Variants in PLEKHH3 observed in about 807,000 individuals in gnomAD.
PLEKHH3 encodes pleckstrin homology domain-containing family H member 3.
Under a neutral mutation model 77.8 loss-of-function variants are expected in PLEKHH3, and 57 were observed. That is an observed-to-expected ratio of 0.73 (90% CI 0.59 to 0.91). PLEKHH3 has a LOEUF of 0.91. Ranked by LOEUF, PLEKHH3 falls within the 40% of genes least tolerant of loss-of-function variation. PLEKHH3 has a pLI of 0.00. For missense variants in PLEKHH3, 1,082 were observed against 1,091.2 expected (o/e 0.99, Z 0.12); for synonymous variants, 467 against 504.8 (o/e 0.93, Z 1.00).
rs1037199165 is a variant in PLEKHH3 at position 42,672,385 on chromosome 17, G to A, written c.777C>T (p.Gly259=). ...CCGCCTCCTCGCGCAGGGGTGCATA[G>A]CCCGGACCTGTGGGAGGGTGGGGGC... ...LPYGVSAPGP[G]YAPLREEAVR... Residue 259 remains glycine (G), a synonymous_variant, in exon 7 of 13, where the codon GGC becomes GGT. Coordinates refer to ENST00000591022, the MANE Select transcript of PLEKHH3 (RefSeq NM_024927.5). 1 of 1,515,260 alleles carries A rather than the reference G, an allele frequency of 6.6e-7. No individual in the cohort carries two copies. The highest frequency in any genetic ancestry group is 8.8e-7 in the Non-Finnish European group (1 of 1,132,568). The allele number at this position is 1,515,260 out of a possible 1,614,324, so 93.9% of individuals were successfully genotyped here.
At position 42,669,932 on chromosome 17, in the gene PLEKHH3, G is replaced by T. The variant is rs1376308382; in HGVS notation, c.1999C>A (p.Leu667Met). Residue 667 changes from leucine (L) to methionine (M), a missense_variant, in exon 11 of 13, where the codon CTG (leucine) becomes ATG (methionine). Physicochemically the swap from Leu to Met is conservative, Grantham distance 15 (BLOSUM62 2). Transcript: ENST00000591022. ...PGFGAARYDVLELSTEPGRGA... is the reference protein window; with the variant it reads ...PGFGAARYDVMELSTEPGRGA... Reference sequence around the variant, plus strand: ...CTCCCCCTCACCGTGCTCAGCTCCAGAACGTCATACCGAGCAGCGCCGAAC... The same window carrying T: ...CTCCCCCTCACCGTGCTCAGCTCCATAACGTCATACCGAGCAGCGCCGAAC... The T allele has an allele frequency of 6.2e-7, 1 of 1,613,512 alleles. No homozygotes were observed. Among genetic ancestry groups the T allele is most frequent in the East Asian group, 2.2e-5 (1 of 44,900 alleles).
intron 1 of PLEKHH3, chr17:42,675,993 G>A: frequency 9.3e-7 from 1 of 1,071,380 alleles, no homozygotes; most frequent in Non-Finnish European, 1.1e-6. Flanking sequence ...CTCGCATCTG[G>A]CCTCCGCACT....
In PLEKHH3 at chr17:42,672,197, G is replaced by C; in HGVS notation, c.965C>G (p.Pro322Arg). Reference protein sequence around the residue: ...TSGPAGPPGLPATQDPAALRY... With the variant: ...TSGPAGPPGLRATQDPAALRY... ...CAGGGCCGCAGGGTCTTGGGTAGCC[G>C]GGAGCCCGGGGGGACCTGCAGGGCC... The change falls in exon 7 of 13, where the codon CCG becomes CGG. Residue 322 changes from proline (P) to arginine (R), a missense_variant. Pro to Arg is a moderately radical substitution (Grantham distance 103, BLOSUM62 -2). This residue lies in a region of PLEKHH3 where 733 missense variants were observed against 750.0 expected (regional missense o/e 0.98). Coordinates refer to ENST00000591022, the MANE Select transcript of PLEKHH3 (RefSeq NM_024927.5). 6.4e-7 allele frequency: 1 copy of C among 1,551,092 alleles called. No homozygotes were observed. Among genetic ancestry groups the C allele is most frequent in the Non-Finnish European group, 8.7e-7 (1 of 1,147,072 alleles).
chr17:42,675,436 C>T (rs1433228252), intron 1 of PLEKHH3, among the ~76,000 whole-genome samples: 1 of 152,164 alleles, frequency 6.6e-6, no homozygotes, highest in African/African-American at 2.4e-5. Flanking sequence ...GTGGGGCTGT[C>T]AGCCACACCA....
rs748961943 is a variant in PLEKHH3 at position 42,673,782 on chromosome 17, C to T, written c.351G>A (p.Pro117=). 3.5e-4 allele frequency: 550 copies of T among 1,591,956 alleles called. No homozygotes were observed. The highest frequency in any genetic ancestry group is 4.6e-4 in the Non-Finnish European group (539 of 1,175,536). ...RGGGARPWLP[P]RRAWFVLTRD... ...GCGTGAGCACAAACCAGGCTCGGCGCGGGGGCAGCCAGGGCCGCGCCCCTC... is the reference window on the plus strand; with the variant it reads ...GCGTGAGCACAAACCAGGCTCGGCGTGGGGGCAGCCAGGGCCGCGCCCCTC... The change falls in exon 4 of 13, where the codon CCG becomes CCA. Residue 117 remains proline (P), a synonymous_variant. Transcript: ENST00000591022.
Position 42,670,049 on chromosome 17 carries a change from C to T in PLEKHH3, c.1882G>A (p.Ala628Thr), listed in dbSNP as rs1237989436. 19 of 1,511,076 alleles carry T rather than the reference C, an allele frequency of 1.3e-5. No individual in the cohort carries two copies. The highest frequency in any genetic ancestry group is 8.0e-5 in the East Asian group (3 of 37,480). The allele number at this position is 1,511,076 out of a possible 1,614,324, so 93.6% of individuals were successfully genotyped here. Reference sequence around the variant, plus strand: ...CGCTTCCAGCCGCCCAGCACGGCAGCTGCCGTGCCGGCGCCGCCTCCTCCC... The same window carrying T: ...CGCTTCCAGCCGCCCAGCACGGCAGTTGCCGTGCCGGCGCCGCCTCCTCCC... ...REGGGGAGTAAAVLGGWKRLR... is the reference protein window; with the variant it reads ...REGGGGAGTATAVLGGWKRLR... The change falls in exon 11 of 13, where the codon GCT becomes ACT. Residue 628 changes from alanine (A) to threonine (T), a missense_variant. This residue lies in a region of PLEKHH3 where 733 missense variants were observed against 750.0 expected (regional missense o/e 0.98). Coordinates refer to ENST00000591022, the MANE Select transcript of PLEKHH3 (RefSeq NM_024927.5).
chr17:42,672,831 G>A (rs2052732577), intron 6 of PLEKHH3, among the ~76,000 whole-genome samples: 1 of 152,104 alleles, frequency 6.6e-6, no homozygotes, highest in South Asian at 2.1e-4. Flanking sequence ...AGTTGGATGA[G>A]GCCAGCACAT....
chr17:42,669,666 G>C (rs781218350), intron 11 of PLEKHH3, 45 bp from the exon 12 acceptor site: 2 of 1,562,584 alleles, frequency 1.3e-6, no homozygotes, highest in South Asian at 2.3e-5. Flanking sequence ...GGAGCCCAGC[G>C]TTATTTTTGG....
Position 42,667,942 on chromosome 17 carries a change from T to G in PLEKHH3, c.*185A>C, listed in dbSNP as rs1024677177. ...GTGTAAATAAGAAACTTTTTTTTTT[T>G]TTTTGCTTCTCTTCTACAAATAAAT... On this transcript the variant is annotated 3_prime_UTR_variant, in exon 13 of 13. Transcript: ENST00000591022. 4 of 464,148 alleles carry G rather than the reference T, an allele frequency of 8.6e-6. No homozygotes were observed. The highest frequency in any genetic ancestry group is 4.0e-5 in the African/African-American group (2 of 49,680). The allele number at this position is 464,148 out of a possible 1,614,324, so 28.8% of individuals were successfully genotyped here.
At position 42,671,607 on chromosome 17, in the gene PLEKHH3, C is replaced by G. The variant is rs1889299275; in HGVS notation, c.1077-49G>C. 1 of 1,522,606 alleles carries G rather than the reference C, an allele frequency of 6.6e-7. No individual in the cohort carries two copies. Among genetic ancestry groups the G allele is most frequent in the Non-Finnish European group, 8.9e-7 (1 of 1,122,310 alleles). The allele number at this position is 1,522,606 out of a possible 1,614,324, so 94.3% of individuals were successfully genotyped here. A position where few individuals can be genotyped will look rare whatever the true frequency, so the allele number is the denominator to read the frequency against. ...TCAATACTCCAAGGGCTTTCTTCTC[C>G]CCCTCCCTCTTGCCTGCTTCTCTTA... On this transcript the variant is annotated intron_variant, in intron 7 of 12. Coordinates refer to ENST00000591022, the MANE Select transcript of PLEKHH3 (RefSeq NM_024927.5). The surrounding 1 kb of genome is among the most constrained non-coding windows in gnomAD (Gnocchi z 4.7).
rs748961943 is a variant in PLEKHH3, at chr17:42,673,782, C to A, written c.351G>T (p.Pro117=). 2 of 1,591,956 alleles carry A rather than the reference C, an allele frequency of 1.3e-6. No individual in the cohort carries two copies. Among genetic ancestry groups the A allele is most frequent in the Non-Finnish European group, 1.7e-6 (2 of 1,175,536 alleles). Reference sequence around the variant, plus strand: ...GCGTGAGCACAAACCAGGCTCGGCGCGGGGGCAGCCAGGGCCGCGCCCCTC... The same window carrying A: ...GCGTGAGCACAAACCAGGCTCGGCGAGGGGGCAGCCAGGGCCGCGCCCCTC... ...RGGGARPWLP[P]RRAWFVLTRD... The change falls in exon 4 of 13, where the codon CCG becomes CCT. Residue 117 remains proline (P), a synonymous_variant. Coordinates refer to ENST00000591022, the MANE Select transcript of PLEKHH3 (RefSeq NM_024927.5).
intron 1 of PLEKHH3, among the ~76,000 whole-genome samples, chr17:42,675,114 C>T (rs1485149797): frequency 6.6e-6 from 1 of 152,118 alleles, no homozygotes; most frequent in East Asian, 1.9e-4. Context: ...CCCCCTCCTC[C>T]TCCCTTCCCC....
chr17:42,676,130 A>C lies in PLEKHH3; in HGVS notation c.162+272T>G, dbSNP rs1204957429. 2 of 1,316,636 alleles carry C rather than the reference A, an allele frequency of 1.5e-6. No individual in the cohort carries two copies. Among genetic ancestry groups the C allele is most frequent in the Admixed American group, 3.6e-5 (1 of 27,648 alleles). 81.6% of individuals were successfully genotyped at this position (1,316,636 alleles called of 1,614,324 possible). ...CGGGCCCAGCGGGGAAGGGAGAGGC[A>C]GGGCCAGGTCGGGCCACGCGTGACG... On this transcript the variant is annotated intron_variant, in intron 1 of 12. Transcript: ENST00000591022. This position sits in a 1 kb window ranked among gnomAD's most constrained non-coding sequence, Gnocchi z 6.6.
At position 42,669,542 on chromosome 17, in the gene PLEKHH3, G is replaced by A. The variant is rs971139186; in HGVS notation, c.2093C>T (p.Thr698Met). Residue 698 changes from threonine to methionine, a missense_variant, in exon 12 of 13, where the codon ACG becomes ATG. Around this residue, in one of 3 missense-constraint regions of PLEKHH3, gnomAD observed 733 missense variants for 750.0 expected, o/e 0.98. Coordinates refer to ENST00000591022, the MANE Select transcript of PLEKHH3 (RefSeq NM_024927.5). ...KAMSLSRPGE[T>M]EPIHSVSYGH... Reference sequence around the variant, plus strand: ...ATAGCTGACACTGTGGATGGGCTCCGTCTCCCCTGGCCGGGAGAGGGACAT... The same window carrying A: ...ATAGCTGACACTGTGGATGGGCTCCATCTCCCCTGGCCGGGAGAGGGACAT... 8 of 1,611,772 alleles carry A rather than the reference G, an allele frequency of 5.0e-6. No homozygotes were observed. The highest frequency in any genetic ancestry group is 5.9e-6 in the Non-Finnish European group (7 of 1,178,940).
intron 6 of PLEKHH3, among the ~76,000 whole-genome samples, chr17:42,672,895 C>A (rs1413074849): frequency 2.0e-5 from 3 of 152,010 alleles, no homozygotes; most frequent in Admixed American, 6.6e-5. Context: ...GGCATAGTCT[C>A]AAGAGGATAA....
In PLEKHH3 at chr17:42,676,566, G is replaced by A. The variant is rs762116148; in HGVS notation, c.-3C>T. 1.3e-6 allele frequency: 2 copies of A among 1,551,424 alleles called. No individual in the cohort carries two copies. Among genetic ancestry groups the A allele is most frequent in the Non-Finnish European group, 8.7e-7 (1 of 1,148,706 alleles). ...CATAGTCCCCCGGGGAGAGGCATCC[G>A]GGCGAGGAGCTGCGGATGGGGGCGC... On this transcript the variant is annotated 5_prime_UTR_variant, in exon 1 of 13. Coordinates refer to ENST00000591022, the MANE Select transcript of PLEKHH3 (RefSeq NM_024927.5). This position sits in a 1 kb window ranked among gnomAD's most constrained non-coding sequence, Gnocchi z 6.6.
intron 2 of PLEKHH3, 135 bp downstream of exon 2, chr17:42,674,218 CG>C: frequency 8.3e-7 from 1 of 1,207,876 alleles, no homozygotes; most frequent in Non-Finnish European, 1.1e-6. Context: ...GACCGCCCCC[CG>C]GGACCCCAGC....
chr17:42,670,910 C>T lies in PLEKHH3; in HGVS notation c.1421+84G>A, dbSNP rs2052684838. 3.8e-6 allele frequency: 6 copies of T among 1,564,264 alleles called. No homozygotes were observed. The Admixed American group carries it at 9.9e-5, about 26-fold the overall frequency. On this transcript the variant is annotated intron_variant, in intron 9 of 12. Coordinates refer to ENST00000591022, the MANE Select transcript of PLEKHH3 (RefSeq NM_024927.5). The stretch of plus-strand genomic sequence containing the variant: ...ACCACAGCGCAGGGCCAGGGGCAAG[C>T]GCTGGATAATGTCCGCTTAGAGACT...
At position 42,670,683 on chromosome 17, in the gene PLEKHH3, A is replaced by T. The variant is rs1237055702; in HGVS notation, c.1444T>A (p.Leu482Met). Reference protein sequence around the residue: ...FENLAAEEAGLEDSPDSGWRL... With the variant: ...FENLAAEEAGMEDSPDSGWRL... ...CACCCGGAGTCGGGCGAGTCCTCCAACCCAGCTTCCTCCGCGGCCAAGCTG... is the reference window on the plus strand; with the variant it reads ...CACCCGGAGTCGGGCGAGTCCTCCATCCCAGCTTCCTCCGCGGCCAAGCTG... Residue 482 changes from leucine to methionine, a missense_variant, in exon 10 of 13, where the codon TTG (leucine) becomes ATG (methionine). Physicochemically the swap from Leu to Met is conservative, Grantham distance 15. Around this residue, in one of 3 missense-constraint regions of PLEKHH3, gnomAD observed 733 missense variants for 750.0 expected, o/e 0.98. Transcript: ENST00000591022. The T allele has an allele frequency of 2.5e-6, 4 of 1,612,494 alleles. No individual in the cohort carries two copies. The highest frequency in any genetic ancestry group is 3.4e-6 in the Non-Finnish European group (4 of 1,179,554).
Sources: allele counts gnomAD v4.1 joint callset (sites outside exome capture counted in the v4.1 genomes callset), GRCh38; gene constraint gnomAD v4.1.1; regional missense constraint gnomAD v4.1.1; non-coding constraint Gnocchi (gnomAD v3.1); transcripts MANE v1.5; gene names NCBI Gene and HGNC (gene_info 2026-07-23, HGNC 2026-07-21).